The following ROBO1 variants were observed in gnomAD, a reference collection of about 807,000 sequenced individuals.
ROBO1 encodes the protein roundabout guidance receptor 1, also known as roundabout homolog 1.
ROBO1 carries 149 observed loss-of-function variants against 195.9 expected under a neutral mutation model. The observed-to-expected ratio is 0.76, with a 90% CI of 0.67 to 0.87. The LOEUF is 0.87. Ranked by LOEUF, ROBO1 falls within the 40% of genes least tolerant of loss-of-function variation. The pLI is 0.00. For missense variants in ROBO1, 1,933 were observed against 2,068.3 expected, an observed-to-expected ratio of 0.93 and a Z score of 1.27; for synonymous variants, 816 against 733.2, an observed-to-expected ratio of 1.11 and a Z score of -1.82.
chr3:79,561,326 G>A (rs148996490), intron 2 of ROBO1, among the ~76,000 whole-genome samples: 1 of 152,286 alleles, frequency 6.6e-6, no homozygotes, highest in Admixed American at 6.5e-5. Flanking sequence ...GATAACGCTG[G>A]GAGTAAGATT....
At chr3:78,811,636 C>T (rs1434614265) in intron 4 of ROBO1, among the ~76,000 whole-genome samples, 1 of 152,078 alleles carries the variant, frequency 6.6e-6, no homozygotes, top group Admixed American at 6.6e-5. Flanking sequence ...ATCTCTTGAC[C>T]TCCCATAACA....
chr3:79,499,270 C>G (rs1435544144), intron 2 of ROBO1, among the ~76,000 whole-genome samples: 1 of 152,208 alleles, frequency 6.6e-6, no homozygotes, highest in East Asian at 1.9e-4. Flanking sequence ...GCTGGTATTA[C>G]AGCCTTGAGC....
chr3:78,844,390 C>T (rs1293086195), intron 4 of ROBO1, among the ~76,000 whole-genome samples: 2 of 151,990 alleles, frequency 1.3e-5, no homozygotes, highest in East Asian at 1.9e-4. Flanking sequence ...AATATATTCC[C>T]GCAGAGTCTC....
chr3:79,110,571 G>A (rs902077340), intron 3 of ROBO1, among the ~76,000 whole-genome samples: 8 of 150,468 alleles, frequency 5.3e-5, no homozygotes, highest in Non-Finnish European at 7.4e-5. Flanking sequence ...TGAGAATCTC[G>A]TATCTGTTAA....
rs1411595805 is a variant in ROBO1 at position 79,050,971 on chromosome 3, T to C, written c.172+74485A>G. ...AACAGAAAGCAGGAAAGATCTAAAA[T>C]TGACACCCTAACATCACAATTAAAA... On this transcript the variant is annotated intron_variant, in intron 3 of 30. Coordinates refer to ENST00000464233, the MANE Select transcript of ROBO1 (RefSeq NM_002941.4). 2.0e-5 allele frequency among the ~76,000 whole-genome samples: 3 copies of C among 152,026 alleles called. No homozygotes were observed. In the East Asian group the frequency reaches 5.8e-4, roughly 29 times the overall value.
intron 2 of ROBO1, among the ~76,000 whole-genome samples, chr3:79,330,157 G>A (rs899085805): frequency 1.5e-4 from 22 of 151,450 alleles, no homozygotes; most frequent in Non-Finnish European, 2.1e-4. Context: ...AAAAATGTGT[G>A]TATGTGGCAG....
intron 2 of ROBO1, among the ~76,000 whole-genome samples, chr3:79,443,058 G>A (rs4130431): frequency 0.67 from 101,549 of 152,018 alleles, 35,399 homozygotes; most frequent in African/African-American, 0.89. Flanking sequence ...ATCTTATCAA[G>A]TTCAAATGTC....
intron 3 of ROBO1, among the ~76,000 whole-genome samples, chr3:79,000,389 T>C (rs905377974): frequency 1.3e-5 from 2 of 152,180 alleles, no homozygotes; most frequent in Non-Finnish European, 2.9e-5. Flanking sequence ...ACTCTGATGA[T>C]AGTTTCTTTT....
At chr3:79,162,939 G>A (rs1017415065) in intron 2 of ROBO1, among the ~76,000 whole-genome samples, 7 of 152,128 alleles carry the variant, frequency 4.6e-5, no homozygotes, top group South Asian at 4.1e-4. Context: ...TGGTAATTCC[G>A]AGCCCTTTTA....
At chr3:79,687,613 G>GA (rs1273952114) in intron 1 of ROBO1, among the ~76,000 whole-genome samples, 1 of 152,112 alleles carries the variant, frequency 6.6e-6, no homozygotes, top group Non-Finnish European at 1.5e-5. Flanking sequence ...ACAGACACAT[G>GA]AAAAAATGCT....
Position 78,892,587 on chromosome 3 carries a change from T to G in ROBO1, c.499+46014A>C, listed in dbSNP as rs555126987. ...AGAGTAATAATAGCTCAAGAAGTGT[T>G]TATCATCATCATCATCATCATCACC... On this transcript the variant is annotated intron_variant, in intron 4 of 30. Coordinates refer to ENST00000464233, the MANE Select transcript of ROBO1 (RefSeq NM_002941.4). Among the ~76,000 whole-genome samples the G allele has an allele frequency of 1.9e-4, 29 of 152,180 alleles. No homozygotes were observed. The South Asian group carries it at 4.8e-3, about 25-fold the overall frequency.
intron 2 of ROBO1, among the ~76,000 whole-genome samples, chr3:79,314,711 C>T (rs571868262): frequency 1.1e-4 from 16 of 152,328 alleles, no homozygotes; most frequent in African/African-American, 3.4e-4. Context: ...ACAGCATACA[C>T]TCTTCTAGTT....
intron 2 of ROBO1, among the ~76,000 whole-genome samples, chr3:79,545,880 C>T (rs1942245322): frequency 6.6e-6 from 1 of 152,080 alleles, no homozygotes; most frequent in Non-Finnish European, 1.5e-5. Context: ...AAGATAGAAA[C>T]ATCCTAGGAT....
At chr3:78,907,997 A>G (rs1487211116) in intron 4 of ROBO1, among the ~76,000 whole-genome samples, 1 of 151,990 alleles carries the variant, frequency 6.6e-6, no homozygotes, top group Non-Finnish European at 1.5e-5. Context: ...TGGAAATACA[A>G]TGGAATATGA....
chr3:79,374,718 C>A lies in ROBO1; in HGVS notation c.88+215106G>T, dbSNP rs1358717391. On this transcript the variant is annotated intron_variant, in intron 2 of 30. Transcript: ENST00000464233. ...ATGCTATTTACTTTCAGTACTTAGTCTTTTGTAGAAATGCTGCATTTCAAA... is the reference window on the plus strand; with the variant it reads ...ATGCTATTTACTTTCAGTACTTAGTATTTTGTAGAAATGCTGCATTTCAAA... 2.6e-5 allele frequency among the ~76,000 whole-genome samples: 4 copies of A among 152,176 alleles called. No individual in the cohort carries two copies. The South Asian group carries it at 6.2e-4, about 24-fold the overall frequency.
intron 2 of ROBO1, among the ~76,000 whole-genome samples, chr3:79,347,334 A>C (rs1272937366): frequency 6.6e-6 from 1 of 152,318 alleles, no homozygotes; most frequent in Non-Finnish European, 1.5e-5. Context: ...GCTTGATATG[A>C]GGATTCTGCA....
At chr3:79,502,521 T>G (rs578001453) in intron 2 of ROBO1, among the ~76,000 whole-genome samples, 1 of 150,564 alleles carries the variant, frequency 6.6e-6, no homozygotes, top group South Asian at 2.1e-4. Flanking sequence ...CATGGGCTCC[T>G]GCACGGCCTG....
chr3:79,670,589 A>G (rs1352133551), intron 1 of ROBO1, among the ~76,000 whole-genome samples: 1 of 151,844 alleles, frequency 6.6e-6, no homozygotes, highest in Admixed American at 6.6e-5. Flanking sequence ...CATCAAAGTG[A>G]TCTGGTTTCT....
chr3:78,801,214 C>A (rs1453236869), intron 4 of ROBO1, among the ~76,000 whole-genome samples: 1 of 152,056 alleles, frequency 6.6e-6, no homozygotes, highest in East Asian at 1.9e-4. Context: ...TGATGTATTG[C>A]CATAGAAAGG....
Sources: gnomAD v4.1 joint callset for allele counts (sites outside exome capture counted in the v4.1 genomes callset) on GRCh38, gnomAD v4.1.1 for gene constraint, MANE v1.5 for transcripts, NCBI Gene and HGNC (gene_info 2026-07-23, HGNC 2026-07-21) for gene names.